Variants in MMP8 observed in about 807,000 individuals in gnomAD.
MMP8 encodes the protein matrix metallopeptidase 8.
Under a neutral mutation model 51.2 loss-of-function variants are expected in MMP8, and 67 were observed. The ratio of observed to expected loss-of-function variants is 1.31; its 90% CI spans 1.08 to 1.60. The LOEUF (loss-of-function observed/expected upper bound fraction) is 1.60, where lower values mean the gene tolerates loss of function less well. MMP8 is among the 40% of genes most tolerant of loss of function. The pLI, the probability that MMP8 is intolerant of heterozygous loss-of-function variation, is 0.00. For synonymous variants in MMP8, 225 were observed against 191.0 expected (o/e 1.18, Z -1.47); for missense variants, 654 against 558.1 (o/e 1.17, Z -1.73).
rs769104162 is a variant in MMP8 at position 102,716,396 on chromosome 11, G to C, written c.808C>G (p.Pro270Ala). The change falls in exon 6 of 10, where the codon CCT (proline) becomes GCT (alanine). Residue 270 changes from proline to alanine, a missense_variant. Pro to Ala is a conservative substitution (Grantham distance 27, BLOSUM62 -1). Transcript: ENST00000236826. ...IYGLSSNPIQ[P>A]TGPSTPKPCD... Reference sequence around the variant, plus strand: ...GGTTTGGGTGTGCTTGGTCCAGTAGGTTGGATAGGGTTGCTTGAAAGTCCT... The same window carrying C: ...GGTTTGGGTGTGCTTGGTCCAGTAGCTTGGATAGGGTTGCTTGAAAGTCCT... 8.3e-7 allele frequency: 1 copy of C among 1,209,932 alleles called. No homozygotes were observed. Among genetic ancestry groups the C allele is most frequent in the African/African-American group, 1.7e-5 (1 of 59,460 alleles). The allele number at this position is 1,209,932 out of a possible 1,614,324, so 74.9% of individuals were successfully genotyped here.
At chr11:102,718,638 C>A in intron 4 of MMP8, 63 bp from the exon 5 acceptor site, 2 of 1,592,402 alleles carry the variant, frequency 1.3e-6, no homozygotes, top group South Asian at 2.2e-5. Context: ...GAAACATGAT[C>A]TCAAGGAATG....
Position 102,714,555 on chromosome 11 carries a change from C to T in MMP8, c.1190+1G>A, listed in dbSNP as rs1173794817. The T allele has an allele frequency of 6.9e-7, 1 of 1,442,254 alleles. No individual in the cohort carries two copies. Among genetic ancestry groups the T allele is most frequent in the African/African-American group, 1.5e-5 (1 of 67,816 alleles). The allele number at this position is 1,442,254 out of a possible 1,614,324, so 89.3% of individuals were successfully genotyped here. Reference sequence around the variant, plus strand: ...ATAATTGAAAAAATAGTTTACGTTACCTCCAGAATTGGTCATTTACAAAGA... The same window carrying T: ...ATAATTGAAAAAATAGTTTACGTTATCTCCAGAATTGGTCATTTACAAAGA... On this transcript the variant is annotated splice_donor_variant, in intron 8 of 9. Coordinates refer to ENST00000236826, the MANE Select transcript of MMP8 (RefSeq NM_002424.3). LOFTEE classifies it high-confidence loss of function.
At position 102,713,335 on chromosome 11, in the gene MMP8, A is replaced by G. The variant is rs1216887649; in HGVS notation, c.*13T>C. 2 of 1,581,480 alleles carry G rather than the reference A, an allele frequency of 1.3e-6. No homozygotes were observed. The highest frequency in any genetic ancestry group is 1.7e-6 in the Non-Finnish European group (2 of 1,150,796). On this transcript the variant is annotated 3_prime_UTR_variant, in exon 10 of 10. Transcript: ENST00000236826. ...ACATTCTGAAAGTGGATACAGCCAC[A>G]TTTGATTTTGCTTCAGCCATATCTA...
intron 4 of MMP8, among the ~76,000 whole-genome samples, chr11:102,720,759 T>C (rs982687599): frequency 3.9e-5 from 6 of 152,166 alleles, no homozygotes; most frequent in East Asian, 1.9e-4. Context: ...ACTAACTAGA[T>C]GAGAGGGAAG....
At position 102,715,455 on chromosome 11, in the gene MMP8, A is replaced by AAC. The variant is rs147304884; in HGVS notation, c.903-20_903-19dup. 104 of 1,604,130 alleles carry AAC rather than the reference A, an allele frequency of 6.5e-5. No homozygotes were observed. The highest frequency in any genetic ancestry group is 3.4e-4 in the Admixed American group (20 of 58,860). ...AGAAGTACCTAACGGAACATAAGGA[A>AAC]ACACACACACACACTTATACATAAC... is the stretch of plus-strand genomic sequence containing the variant. On this transcript the variant is annotated intron_variant, in intron 6 of 9. Coordinates refer to ENST00000236826, the MANE Select transcript of MMP8 (RefSeq NM_002424.3).
intron 1 of MMP8, chr11:102,722,935 G>GCT (rs1174737411): frequency 2.5e-6 from 3 of 1,199,124 alleles, no homozygotes; most frequent in Admixed American, 2.2e-5. Flanking sequence ...CAGGCAAAGT[G>GCT]CTACTCTACA....
Position 102,718,525 on chromosome 11 carries a change from GC to G in MMP8, c.672del (p.Leu225SerfsTer10). The G allele has an allele frequency of 6.2e-7, 1 of 1,613,934 alleles. No individual in the cohort carries two copies. Among genetic ancestry groups the G allele is most frequent in the Non-Finnish European group, 8.5e-7 (1 of 1,179,902 alleles). On this transcript the variant is annotated frameshift_variant, in exon 5 of 10. Transcript: ENST00000236826. LOFTEE classifies it high-confidence loss of function. ...GCACCAGGGTCAGAGGAGTGAGCGA[GC>G]CCCAAAGAATGGCCAAATTCATGAG... ...VAAHEFGHSLGLAHSSDPGAL... is the reference protein window; with the variant it reads ...VAAHEFGHSLXLAHSSDPGAL...
intron 4 of MMP8, among the ~76,000 whole-genome samples, chr11:102,719,719 A>G (rs980483514): frequency 6.6e-6 from 1 of 152,242 alleles, no homozygotes; most frequent in African/African-American, 2.4e-5. Context: ...TGCATTTCAG[A>G]AAAATATCTT....
At position 102,713,272 on chromosome 11, in the gene MMP8, A is replaced by G; in HGVS notation, c.*76T>C. On this transcript the variant is annotated 3_prime_UTR_variant, in exon 10 of 10. Transcript: ENST00000236826. ...TAATATTGAGAAAAGTATAAGCAGG[A>G]CACAATGTAACGAAAATGCTTGCTG... The G allele has an allele frequency of 1.1e-6, 1 of 952,296 alleles. No homozygotes were observed. Among genetic ancestry groups the G allele is most frequent in the Non-Finnish European group, 1.7e-6 (1 of 581,954 alleles). 59.0% of individuals were successfully genotyped at this position (952,296 alleles called of 1,614,324 possible).
intron 5 of MMP8, 91 bp downstream of exon 5, chr11:102,718,323 G>A: frequency 7.6e-7 from 1 of 1,322,992 alleles, no homozygotes. Flanking sequence ...GGAAACTGCA[G>A]AAGTGCAAAG....
At chr11:102,715,927 G>C (rs1220010163) in intron 6 of MMP8, among the ~76,000 whole-genome samples, 1 of 152,122 alleles carries the variant, frequency 6.6e-6, no homozygotes, top group Non-Finnish European at 1.5e-5. Context: ...TGGTGCTTTG[G>C]TGTTTCAGCT....
chr11:102,713,613 C>G, intron 9 of MMP8, 141 bp downstream of exon 9: 1 of 1,004,514 alleles, frequency 1.0e-6, no homozygotes, highest in Non-Finnish European at 1.5e-6. Context: ...TGCCTGTAAT[C>G]CCAGAACTCT....
At chr11:102,718,334 G>A (rs1344612838) in intron 5 of MMP8, 80 bp downstream of exon 5, 4 of 1,399,454 alleles carry the variant, frequency 2.9e-6, no homozygotes, top group Non-Finnish European at 3.9e-6. Context: ...AAGTGCAAAG[G>A]AAGAGATATT....
intron 3 of MMP8, 39 bp downstream of exon 3, chr11:102,721,575 C>T (rs150730945): frequency 1.2e-6 from 2 of 1,613,216 alleles, no homozygotes; most frequent in East Asian, 4.5e-5. Context: ...TCAGGTTAGC[C>T]AAAGAAAGCA....
intron 5 of MMP8, among the ~76,000 whole-genome samples, chr11:102,717,484 T>C (rs1395192241): frequency 6.6e-6 from 1 of 152,242 alleles, no homozygotes; most frequent in East Asian, 1.9e-4. Context: ...ATTAATACAT[T>C]GTGCAATATA....
At position 102,717,397 on chromosome 11, in the gene MMP8, TTTC is replaced by T. The variant is rs535946063; in HGVS notation, c.785-981_785-979del. On this transcript the variant is annotated intron_variant, in intron 5 of 9. Coordinates refer to ENST00000236826, the MANE Select transcript of MMP8 (RefSeq NM_002424.3). ...CTCTCCATACTCCACTACCATTCCC[TTTC>T]TTCTTCTTGAAAAATGCCTTGCTTT... Among the ~76,000 whole-genome samples the T allele has an allele frequency of 2.0e-5, 3 of 152,344 alleles. No homozygotes were observed. In the South Asian group the frequency reaches 6.2e-4, roughly 32 times the overall value.
chr11:102,713,627 A>G (rs2134290943), intron 9 of MMP8, 127 bp downstream of exon 9: 2 of 1,024,068 alleles, frequency 2.0e-6, no homozygotes, highest in Non-Finnish European at 2.9e-6. Context: ...GAACTCTGGG[A>G]GGCTGAGGTG....
chr11:102,713,261 G>T lies in MMP8; in HGVS notation c.*87C>A. 1 of 856,966 alleles carries T rather than the reference G, an allele frequency of 1.2e-6. No homozygotes were observed. The highest frequency in any genetic ancestry group is 2.0e-6 in the Non-Finnish European group (1 of 506,744). The allele number at this position is 856,966 out of a possible 1,614,324, so 53.1% of individuals were successfully genotyped here. On this transcript the variant is annotated 3_prime_UTR_variant, in exon 10 of 10. Coordinates refer to ENST00000236826, the MANE Select transcript of MMP8 (RefSeq NM_002424.3). ...AAACAATGACTTAATATTGAGAAAA[G>T]TATAAGCAGGACACAATGTAACGAA...
intron 7 of MMP8, 96 bp from the exon 8 acceptor site, chr11:102,714,805 T>TATAC (rs1293792969): frequency 2.4e-4 from 56 of 230,868 alleles, no homozygotes; most frequent in African/African-American, 1.4e-3. Context: ...TATATATATA[T>TATAC]ACCACTTCTT....
Sources: allele counts gnomAD v4.1 joint callset (sites outside exome capture counted in the v4.1 genomes callset), GRCh38; gene constraint gnomAD v4.1.1; transcripts MANE v1.5; gene names NCBI Gene and HGNC (gene_info 2026-07-23, HGNC 2026-07-21).